ZNF18: variants seen among roughly 807,000 people sequenced by gnomAD.
The protein encoded by ZNF18 is zinc finger protein 18.
ZNF18 carries 42 observed loss-of-function variants against 58.1 expected under a neutral mutation model. The observed-to-expected ratio is 0.72, with a 90% CI of 0.56 to 0.93. The LOEUF (loss-of-function observed/expected upper bound fraction) is 0.93. ZNF18 is among the 40% of genes least tolerant of loss of function. The pLI is 0.00. For missense variants in ZNF18, 540 were observed against 644.2 expected (o/e 0.84, Z 1.75); for synonymous variants, 231 against 239.8 (o/e 0.96, Z 0.34).
chr17:12,018,019 G>A, the ZNF18 span, among the ~76,000 whole-genome samples: 1 of 152,170 alleles, frequency 6.6e-6, no homozygotes, highest in Non-Finnish European at 1.5e-5. Context: ...TTCAGGATGG[G>A]GGACTTTGAT....
At chr17:11,988,072 A>AT (rs1407439904) in intron 4 of ZNF18, among the ~76,000 whole-genome samples, 9 of 152,300 alleles carry the variant, frequency 5.9e-5, no homozygotes. Context: ...TGAAAAAAAA[A>AT]TTTTTTACAA....
intron 2 of ZNF18, among the ~76,000 whole-genome samples, chr17:11,991,866 CTG>C (rs1284300914): frequency 6.6e-6 from 1 of 152,120 alleles, no homozygotes; most frequent in Non-Finnish European, 1.5e-5. Context: ...CGGCAAATGA[CTG>C]TATCAAGTGT....
chr17:11,986,195 C>T (rs925744980), intron 4 of ZNF18, among the ~76,000 whole-genome samples: 1 of 152,274 alleles, frequency 6.6e-6, no homozygotes, highest in African/African-American at 2.4e-5. Context: ...AAAGATGTGA[C>T]TTGCTCCTCC....
the ZNF18 span, among the ~76,000 whole-genome samples, chr17:12,008,307 T>G: frequency 1.4e-4 from 22 of 152,160 alleles, no homozygotes; most frequent in Non-Finnish European, 2.9e-4. Context: ...TGGAATGCCT[T>G]TTAGTGGTGC....
At chr17:12,010,707 C>T in the ZNF18 span, 361 of 208,116 alleles carry the variant, frequency 1.7e-3, 2 homozygotes, top group African/African-American at 3.2e-3. Context: ...TGAGCCACTG[C>T]GCCCCGCCGG....
chr17:11,991,304 T>A (rs557033548), intron 2 of ZNF18, 141 bp from the exon 3 acceptor site: 1 of 818,860 alleles, frequency 1.2e-6, no homozygotes, highest in South Asian at 2.3e-5. Flanking sequence ...TTATTTCTAG[T>A]CCAGCAGGAA....
rs73300428 is a variant in ZNF18, at chr17:11,982,249, C to T, written c.862+1048G>A. Reference sequence around the variant, plus strand: ...TTTGTTACAGCAGCCCAAGCTAAGGCAGTAATCGATATATTAATATTGAAA... The same window carrying T: ...TTTGTTACAGCAGCCCAAGCTAAGGTAGTAATCGATATATTAATATTGAAA... On this transcript the variant is annotated intron_variant, in intron 6 of 6. Coordinates refer to ENST00000580306, the MANE Select transcript of ZNF18 (RefSeq NM_001303281.2). Among the ~76,000 whole-genome samples the T allele has an allele frequency of 8.5e-3, 1,292 of 152,280 alleles. 20 individuals carry two copies. Among genetic ancestry groups the T allele is most frequent in the African/African-American group, 0.03 (1,227 of 41,542 alleles).
the ZNF18 span, among the ~76,000 whole-genome samples, chr17:12,012,685 T>C: frequency 5.3e-5 from 8 of 152,096 alleles, no homozygotes; most frequent in Non-Finnish European, 1.5e-5. Context: ...TTAATTTACA[T>C]CTTTTTTTTT....
intron 2 of ZNF18, 61 bp downstream of exon 2, chr17:11,992,382 C>T (rs1262174978): frequency 3.2e-6 from 5 of 1,555,310 alleles, no homozygotes; most frequent in Non-Finnish European, 4.3e-6. Context: ...AGACAACACA[C>T]CTGATGGGAC....
chr17:12,006,263 G>A, the ZNF18 span, among the ~76,000 whole-genome samples: 2 of 152,154 alleles, frequency 1.3e-5, no homozygotes, highest in Non-Finnish European at 2.9e-5. Context: ...GCAATCAGGA[G>A]GCCTTTGGAA....
chr17:11,993,191 G>A lies in ZNF18; in HGVS notation c.-82-280C>T, dbSNP rs79339090. Among the ~76,000 whole-genome samples the A allele has an allele frequency of 8.7e-3, 1,321 of 152,238 alleles. 22 individuals are homozygous for A. The highest frequency in any genetic ancestry group is 0.03 in the African/African-American group (1,265 of 41,552). ...AAATGAAGAATAAAATGCACCATAC[G>A]AAACTTTTTCACTATAGGTTTCCAG... is the stretch of plus-strand genomic sequence containing the variant. On this transcript the variant is annotated intron_variant, in intron 1 of 6. Coordinates refer to ENST00000580306, the MANE Select transcript of ZNF18 (RefSeq NM_001303281.2).
chr17:11,983,964 C>T (rs999438398), intron 5 of ZNF18, 149 bp downstream of exon 5: 1 of 599,578 alleles, frequency 1.7e-6, no homozygotes, highest in Non-Finnish European at 2.8e-6. Flanking sequence ...CTGCTAGCTC[C>T]AACTTGCCCC....
upstream of ZNF18, among the ~76,000 whole-genome samples, chr17:11,997,996 C>CAGA: frequency 6.6e-6 from 1 of 152,162 alleles, no homozygotes; most frequent in Non-Finnish European, 1.5e-5. Flanking sequence ...CACTTCTCCC[C>CAGA]ATTCCGTTGG....
intron 2 of ZNF18, among the ~76,000 whole-genome samples, chr17:11,991,706 C>T (rs983689379): frequency 1.3e-5 from 2 of 152,154 alleles, no homozygotes; most frequent in Admixed American, 1.3e-4. Flanking sequence ...CCTTCTCAAC[C>T]ACACCTGAGT....
the ZNF18 span, among the ~76,000 whole-genome samples, chr17:12,019,703 G>A: frequency 1.3e-5 from 2 of 152,146 alleles, no homozygotes; most frequent in South Asian, 4.2e-4. Context: ...ATTGGGTTTG[G>A]AACAAGAAGG....
the ZNF18 span, among the ~76,000 whole-genome samples, chr17:12,014,721 A>T: frequency 6.6e-6 from 1 of 152,270 alleles, no homozygotes; most frequent in East Asian, 1.9e-4. Context: ...CCTAAATTTG[A>T]TCGTTGTGAT....
intron 1 of ZNF18, chr17:11,996,803 C>T (rs1968496572): frequency 1.3e-5 from 2 of 152,180 alleles, no homozygotes; most frequent in Non-Finnish European, 2.9e-5. Context: ...CCAATTCCCA[C>T]AATTACCCTG....
In ZNF18 at chr17:11,978,763, T is replaced by A. The variant is rs1347890030; in HGVS notation, c.863-19A>T. The A allele has an allele frequency of 7.8e-6, 12 of 1,540,124 alleles. No individual in the cohort carries two copies. Among genetic ancestry groups the A allele is most frequent in the Non-Finnish European group, 1.0e-5 (12 of 1,145,716 alleles). On this transcript the variant is annotated intron_variant, in intron 6 of 6. Transcript: ENST00000580306. The stretch of plus-strand genomic sequence containing the variant: ...CTATCTCCTAAAAGAAGAAAGAAGA[T>A]TTGAAATGGTTCAAGTGCTATGCCC...
At chr17:12,001,908 T>G (rs538512508), upstream of ZNF18, among the ~76,000 whole-genome samples, 4 of 151,916 alleles carry the variant, frequency 2.6e-5, no homozygotes, top group Admixed American at 2.6e-4. Context: ...CACTCCAAAA[T>G]TCAGAGATAA....
Sources: allele counts gnomAD v4.1 joint callset (sites outside exome capture counted in the v4.1 genomes callset), GRCh38; gene constraint gnomAD v4.1.1; transcripts MANE v1.5; gene names NCBI Gene and HGNC (gene_info 2026-07-23, HGNC 2026-07-21).